Variants in PITPNC1 observed in about 807,000 individuals in gnomAD.
The protein encoded by PITPNC1 is phosphatidylinositol transfer protein cytoplasmic 1.
Under a neutral mutation model 44.7 loss-of-function variants are expected in PITPNC1, and 18 were observed. The ratio of observed to expected loss-of-function variants is 0.40; its 90% CI spans 0.28 to 0.60. The LOEUF (loss-of-function observed/expected upper bound fraction) is 0.60. PITPNC1 is among the 20% of genes least tolerant of loss of function. The pLI, the probability that PITPNC1 is intolerant of heterozygous loss-of-function variation, is 0.39. For missense variants in PITPNC1, 290 were observed against 418.4 expected, an observed-to-expected ratio of 0.69 and a Z score of 2.68; for synonymous variants, 141 against 149.6, an observed-to-expected ratio of 0.94 and a Z score of 0.42.
chr17:67,387,455 C>T (rs934582600), intron 1 of PITPNC1, among the ~76,000 whole-genome samples: 2 of 152,116 alleles, frequency 1.3e-5, no homozygotes, highest in Admixed American at 6.6e-5. Flanking sequence ...CACTTGAGGT[C>T]GGGAGTTTAA....
chr17:67,551,752 T>C (rs577965093), intron 2 of PITPNC1, among the ~76,000 whole-genome samples: 1 of 152,362 alleles, frequency 6.6e-6, no homozygotes, highest in East Asian at 1.9e-4. Flanking sequence ...TTCAACCCAC[T>C]ACAACTGTAT....
chr17:67,523,329 A>T (rs2040351930), intron 1 of PITPNC1, among the ~76,000 whole-genome samples: 1 of 152,222 alleles, frequency 6.6e-6, no homozygotes, highest in East Asian at 1.9e-4. Flanking sequence ...TATATGGCAG[A>T]TGCCTCATTC....
intron 5 of PITPNC1, 43 bp downstream of exon 5, chr17:67,578,300 C>G (rs2041177663): frequency 1.5e-6 from 2 of 1,325,130 alleles, no homozygotes; most frequent in Non-Finnish European, 2.2e-6. Context: ...CTCGTGGGCT[C>G]TGAATATCAC....
intron 1 of PITPNC1, among the ~76,000 whole-genome samples, chr17:67,445,040 T>C (rs2039076022): frequency 6.6e-6 from 1 of 151,598 alleles, no homozygotes; most frequent in Non-Finnish European, 1.5e-5. Flanking sequence ...TGGGGAAGTG[T>C]GGATGATTTT....
intron 1 of PITPNC1, among the ~76,000 whole-genome samples, chr17:67,443,661 T>C (rs2039050349): frequency 8.4e-6 from 1 of 119,408 alleles, no homozygotes; most frequent in Non-Finnish European, 1.7e-5. Flanking sequence ...TGAGGGGGAA[T>C]TCTCACTCTT....
intron 1 of PITPNC1, among the ~76,000 whole-genome samples, chr17:67,467,969 G>T (rs193007230): frequency 6.6e-6 from 1 of 152,310 alleles, no homozygotes; most frequent in East Asian, 1.9e-4. Flanking sequence ...CTCTCGGCTT[G>T]GTGCTGGGGC....
chr17:67,618,990 T>C (rs10459925), intron 5 of PITPNC1, among the ~76,000 whole-genome samples: 91,460 of 151,722 alleles, frequency 0.6, 30,582 homozygotes, highest in Non-Finnish European at 0.75. Context: ...ACCCGGGAGG[T>C]GGATCTTGCA....
At chr17:67,556,571 G>T (rs2040840898) in intron 4 of PITPNC1, among the ~76,000 whole-genome samples, 1 of 152,168 alleles carries the variant, frequency 6.6e-6, no homozygotes, top group Admixed American at 6.5e-5. Flanking sequence ...CCAAGGGAAG[G>T]GAGGGGTCCA....
chr17:67,511,572 G>T (rs746922435), intron 1 of PITPNC1, among the ~76,000 whole-genome samples: 1 of 152,070 alleles, frequency 6.6e-6, no homozygotes, highest in African/African-American at 2.4e-5. Context: ...GCAGTGGTGC[G>T]ATCTCAGCTC....
At chr17:67,571,804 G>A (rs1457101827) in intron 4 of PITPNC1, among the ~76,000 whole-genome samples, 8 of 152,206 alleles carry the variant, frequency 5.3e-5, no homozygotes, top group Non-Finnish European at 5.9e-5. Flanking sequence ...TACACTCTCA[G>A]GAGTGACTGA....
intron 1 of PITPNC1, among the ~76,000 whole-genome samples, chr17:67,461,646 G>A (rs2039339440): frequency 6.6e-6 from 1 of 152,152 alleles, no homozygotes. Context: ...AGAACTGTAG[G>A]CTGGGTGTGG....
At chr17:67,668,938 C>T (rs535850350) in intron 6 of PITPNC1, among the ~76,000 whole-genome samples, 14 of 152,246 alleles carry the variant, frequency 9.2e-5, no homozygotes, top group African/African-American at 3.4e-4. Context: ...AATAAATGTG[C>T]AATTCAGTGG....
At chr17:67,576,285 G>A (rs1416459669) in intron 4 of PITPNC1, among the ~76,000 whole-genome samples, 2 of 152,064 alleles carry the variant, frequency 1.3e-5, no homozygotes, top group Non-Finnish European at 2.9e-5. Flanking sequence ...CTGGCCACCT[G>A]GCTGCATGAG....
intron 2 of PITPNC1, among the ~76,000 whole-genome samples, chr17:67,533,205 AGCTATACTCACAGT>A (rs2040486599): frequency 6.6e-6 from 1 of 152,120 alleles, no homozygotes; most frequent in Non-Finnish European, 1.5e-5. Flanking sequence ...GGCTACAGTG[AGCTATACTCACAGT>A]ACTGCACTCC....
chr17:67,546,713 G>A (rs1568035301), intron 2 of PITPNC1, among the ~76,000 whole-genome samples: 1 of 152,218 alleles, frequency 6.6e-6, no homozygotes, highest in African/African-American at 2.4e-5. Flanking sequence ...TGTTAAGCAG[G>A]GAGGTCGGGG....
intron 1 of PITPNC1, among the ~76,000 whole-genome samples, chr17:67,482,177 TC>T (rs1349939987): frequency 6.6e-6 from 1 of 152,228 alleles, no homozygotes; most frequent in Non-Finnish European, 1.5e-5. Flanking sequence ...ATGCACATGA[TC>T]TTTAACATAA....
At chr17:67,680,470 G>T (rs1257749827) in intron 8 of PITPNC1, among the ~76,000 whole-genome samples, 8 of 151,962 alleles carry the variant, frequency 5.3e-5, no homozygotes, top group Admixed American at 5.2e-4. Flanking sequence ...CGTGGTTGCG[G>T]GCACCTGTAA....
intron 5 of PITPNC1, among the ~76,000 whole-genome samples, chr17:67,610,878 G>C (rs193222383): frequency 2.0e-5 from 3 of 146,682 alleles, no homozygotes; most frequent in Non-Finnish European, 4.5e-5. Flanking sequence ...CCGAGATTGC[G>C]CCACTGCACT....
intron 1 of PITPNC1, among the ~76,000 whole-genome samples, chr17:67,487,792 T>C (rs2039801897): frequency 6.6e-6 from 1 of 152,134 alleles, no homozygotes; most frequent in Non-Finnish European, 1.5e-5. Context: ...ATGTGTTTAT[T>C]TAGATGCACG....
Sources: allele counts gnomAD v4.1 joint callset (sites outside exome capture counted in the v4.1 genomes callset), GRCh38; gene constraint gnomAD v4.1.1; transcripts MANE v1.5; gene names NCBI Gene and HGNC (gene_info 2026-07-23, HGNC 2026-07-21).